Variants in ADAM32 observed in about 807,000 individuals in gnomAD.
ADAM32 encodes disintegrin and metalloproteinase domain-containing protein 32.
A neutral mutation model predicts 114.9 loss-of-function variants in ADAM32; 89 were observed. The ratio of observed to expected loss-of-function variants is 0.77; its 90% CI spans 0.65 to 0.92. The LOEUF (loss-of-function observed/expected upper bound fraction) is 0.92. Among genes scored for constraint, ADAM32 ranks in the 40% least tolerant of loss-of-function variants. The pLI is 0.00. For missense variants in ADAM32, 870 were observed against 932.8 expected, an observed-to-expected ratio of 0.93 and a Z score of 0.88; for synonymous variants, 285 against 307.5, an observed-to-expected ratio of 0.93 and a Z score of 0.77.
intron 11 of ADAM32, among the ~76,000 whole-genome samples, chr8:39,195,629 T>G (rs1806929832): frequency 6.6e-6 from 1 of 152,176 alleles, no homozygotes; most frequent in Non-Finnish European, 1.5e-5. Flanking sequence ...GGCCCTAGTT[T>G]CATTCTTCTG....
At chr8:39,110,503 T>C (rs1217956053) in intron 1 of ADAM32, among the ~76,000 whole-genome samples, 1 of 152,170 alleles carries the variant, frequency 6.6e-6, no homozygotes, top group Non-Finnish European at 1.5e-5. Context: ...GCTATAAACA[T>C]CTATGTGCAG....
intron 4 of ADAM32, among the ~76,000 whole-genome samples, chr8:39,149,230 TAA>T (rs1258231641): frequency 6.6e-6 from 1 of 152,168 alleles, no homozygotes. Context: ...GCTGTGTTAT[TAA>T]GTGAATGCCA....
intron 11 of ADAM32, among the ~76,000 whole-genome samples, chr8:39,203,826 GGT>G (rs1422573632): frequency 6.6e-6 from 1 of 152,132 alleles, no homozygotes; most frequent in East Asian, 1.9e-4. Flanking sequence ...AGGCAGGCCT[GGT>G]GGTGACAAAA....
At chr8:39,214,526 A>G (rs1288609878) in intron 12 of ADAM32, among the ~76,000 whole-genome samples, 1 of 151,888 alleles carries the variant, frequency 6.6e-6, no homozygotes, top group Non-Finnish European at 1.5e-5. Flanking sequence ...CCCACCTTTA[A>G]ATCAGATTAT....
At chr8:39,245,168 A>T (rs553672347) in intron 16 of ADAM32, among the ~76,000 whole-genome samples, 6 of 152,298 alleles carry the variant, frequency 3.9e-5, no homozygotes, top group African/African-American at 1.4e-4. Context: ...ACCTGGATGG[A>T]GTTGGAGCCA....
At position 39,155,132 on chromosome 8, in the gene ADAM32, C is replaced by T. The variant is rs542804995; in HGVS notation, c.525+3584C>T. On this transcript the variant is annotated intron_variant, in intron 6 of 24. Coordinates refer to ENST00000379907, the MANE Select transcript of ADAM32 (RefSeq NM_145004.7). ...CACAGGCAATATCATACTGAATGGG[C>T]AAAAACTGGAAGCATTCTCTTTGAA... is the stretch of plus-strand genomic sequence containing the variant. Among the ~76,000 whole-genome samples the T allele has an allele frequency of 2.6e-5, 4 of 152,264 alleles. No individual in the cohort carries two copies. In the East Asian group the frequency reaches 7.7e-4, roughly 29 times the overall value.
At chr8:39,125,398 C>T (rs1186865334) in intron 2 of ADAM32, among the ~76,000 whole-genome samples, 15 of 152,040 alleles carry the variant, frequency 9.9e-5, no homozygotes, top group Admixed American at 3.9e-4. Context: ...TTTGGAAGCA[C>T]GTAACTTGTC....
At chr8:39,162,168 ACCCCACAATAGG>A (rs1804552551) in intron 7 of ADAM32, among the ~76,000 whole-genome samples, 2 of 64,634 alleles carry the variant, frequency 3.1e-5, no homozygotes, top group Non-Finnish European at 5.5e-5. Context: ...CCCTCCCCCC[ACCCCACAATAGG>A]CCCTGGTGTG....
At chr8:39,162,916 G>A (rs549198629) in intron 7 of ADAM32, among the ~76,000 whole-genome samples, 3 of 152,272 alleles carry the variant, frequency 2.0e-5, no homozygotes, top group Admixed American at 6.5e-5. Flanking sequence ...CAGGAGAACT[G>A]CTTGAACAAG....
At chr8:39,123,613 A>C (rs867093344) in intron 2 of ADAM32, among the ~76,000 whole-genome samples, 1 of 152,032 alleles carries the variant, frequency 6.6e-6, no homozygotes, top group African/African-American at 2.4e-5. Flanking sequence ...CTCTTTTTAC[A>C]ATATTGAGTG....
At chr8:39,161,088 G>A in intron 7 of ADAM32, 123 bp downstream of exon 7, 3 of 845,020 alleles carry the variant, frequency 3.6e-6, no homozygotes, top group South Asian at 2.3e-5. Flanking sequence ...AGACAATAGT[G>A]GAAAAATGTG....
intron 11 of ADAM32, among the ~76,000 whole-genome samples, chr8:39,203,074 A>T (rs558249178): frequency 6.6e-6 from 1 of 152,254 alleles, no homozygotes; most frequent in East Asian, 1.9e-4. Context: ...TTTTGGGATA[A>T]GTGTGATGTG....
chr8:39,195,347 G>T (rs910078705), intron 11 of ADAM32, among the ~76,000 whole-genome samples: 1 of 152,284 alleles, frequency 6.6e-6, no homozygotes. Context: ...CCTATTGGAT[G>T]AATAGTTTGC....
At chr8:39,249,208 T>G (rs1186943541) in intron 17 of ADAM32, among the ~76,000 whole-genome samples, 1 of 151,978 alleles carries the variant, frequency 6.6e-6, no homozygotes, top group Admixed American at 6.6e-5. Context: ...CAGGCCTGAG[T>G]GTTGGCTTTT....
rs369688342 is a variant in ADAM32, at chr8:39,256,761, C to T, written c.2006-426C>T. 5.3e-5 allele frequency among the ~76,000 whole-genome samples: 8 copies of T among 152,118 alleles called. No homozygotes were observed. The East Asian group carries it at 1.5e-3, about 29-fold the overall frequency. On this transcript the variant is annotated intron_variant, in intron 18 of 24. Coordinates refer to ENST00000379907, the MANE Select transcript of ADAM32 (RefSeq NM_145004.7). ...AGTATTGCAATGACCCCATTTACAA[C>T]ATGATCCCCAAGGCCAAAAGCCAAC...
At chr8:39,250,001 AT>A (rs1432280033) in intron 17 of ADAM32, among the ~76,000 whole-genome samples, 1 of 151,894 alleles carries the variant, frequency 6.6e-6, no homozygotes, top group Admixed American at 6.6e-5. Flanking sequence ...TTCTTTCCAA[AT>A]TTGTCTTTAT....
Position 39,186,446 on chromosome 8 carries a change from A to G in ADAM32, c.916-463A>G, listed in dbSNP as rs1055303053. 4.6e-5 allele frequency among the ~76,000 whole-genome samples: 7 copies of G among 152,306 alleles called. 1 individual carries two copies. Among genetic ancestry groups the G allele is most frequent in the East Asian group, 3.9e-4 (2 of 5,190 alleles). ...TCTTTTCATACCAGTCACTGTGTCAATGAAGTTCCTAGTAGGCAGCAGGGT... is the reference window on the plus strand; with the variant it reads ...TCTTTTCATACCAGTCACTGTGTCAGTGAAGTTCCTAGTAGGCAGCAGGGT... On this transcript the variant is annotated intron_variant, in intron 10 of 24. Coordinates refer to ENST00000379907, the MANE Select transcript of ADAM32 (RefSeq NM_145004.7).
intron 10 of ADAM32, among the ~76,000 whole-genome samples, chr8:39,174,696 T>A (rs969184179): frequency 5.4e-5 from 4 of 74,456 alleles, no homozygotes; most frequent in Admixed American, 1.6e-4. Flanking sequence ...AGTGTGATAG[T>A]TTTTTTTTCT....
intron 12 of ADAM32, among the ~76,000 whole-genome samples, chr8:39,214,427 T>G (rs1439465103): frequency 6.6e-6 from 1 of 152,174 alleles, no homozygotes; most frequent in Non-Finnish European, 1.5e-5. Context: ...TTTGCAATTC[T>G]CTGTTACTCA....
Sources: allele counts gnomAD v4.1 joint callset (sites outside exome capture counted in the v4.1 genomes callset), GRCh38; gene constraint gnomAD v4.1.1; transcripts MANE v1.5; gene names NCBI Gene and HGNC (gene_info 2026-07-23, HGNC 2026-07-21).